Variants in NAA11 observed in about 807,000 individuals in gnomAD.
NAA11 encodes N-alpha-acetyltransferase 11, NatA catalytic subunit.
Under a neutral mutation model 16.1 loss-of-function variants are expected in NAA11, and 15 were observed. The observed-to-expected ratio is 0.93, with a 90% CI of 0.62 to 1.44. The LOEUF (loss-of-function observed/expected upper bound fraction) is 1.44, where lower values mean the gene tolerates loss of function less well. NAA11 is among the 40% of genes most tolerant of loss of function. The pLI is 0.00. For synonymous variants in NAA11, 122 were observed against 112.4 expected, an observed-to-expected ratio of 1.09 and a Z score of -0.54; for missense variants, 298 against 291.3, an observed-to-expected ratio of 1.02 and a Z score of -0.17.
At chr4:79,186,913 A>T in the NAA11 span, among the ~76,000 whole-genome samples, 1 of 152,212 alleles carries the variant, frequency 6.6e-6, no homozygotes. Flanking sequence ...AGGTTTATAT[A>T]CTTGAGTAAC....
At chr4:79,204,926 TATACACAC>T in the NAA11 span, among the ~76,000 whole-genome samples, 2 of 39,580 alleles carry the variant, frequency 5.1e-5, no homozygotes, top group South Asian at 2.0e-3. Flanking sequence ...CCATGGTGTG[TATACACAC>T]ACACACACAC....
At chr4:79,303,074 T>C (rs865854518) in intron 1 of NAA11, among the ~76,000 whole-genome samples, 3 of 72,284 alleles carry the variant, frequency 4.2e-5, no homozygotes, top group African/African-American at 7.4e-5. Context: ...TCTTGAGGCC[T>C]TTTATATATA....
chr4:79,308,333 C>A (rs1723653234), intron 1 of NAA11: 1 of 152,154 alleles, frequency 6.6e-6, no homozygotes, highest in Non-Finnish European at 1.5e-5. Flanking sequence ...GAGGAAAAGA[C>A]AGAATCAGAT....
At chr4:79,302,580 T>C (rs576039490) in intron 1 of NAA11, among the ~76,000 whole-genome samples, 1 of 152,264 alleles carries the variant, frequency 6.6e-6, no homozygotes, top group East Asian at 1.9e-4. Flanking sequence ...ATATAATGTA[T>C]ATATCTTTAT....
chr4:79,162,282 G>T, the NAA11 span, among the ~76,000 whole-genome samples: 1 of 152,140 alleles, frequency 6.6e-6, no homozygotes, highest in African/African-American at 2.4e-5. Context: ...TTCTGCCTAA[G>T]TGAAGAAAGC....
At chr4:79,207,283 T>C in the NAA11 span, among the ~76,000 whole-genome samples, 1 of 150,808 alleles carries the variant, frequency 6.6e-6, no homozygotes, top group Admixed American at 6.7e-5. Flanking sequence ...CATTGTTTTT[T>C]AATCCATTCC....
intron 2 of NAA11, among the ~76,000 whole-genome samples, chr4:79,243,336 T>C (rs569285309): frequency 6.6e-5 from 10 of 152,346 alleles, no homozygotes; most frequent in African/African-American, 1.9e-4. Flanking sequence ...TCCTCAATTA[T>C]CTTGAAAAGA....
At chr4:79,314,774 GA>G (rs1433692166), downstream of NAA11, among the ~76,000 whole-genome samples, 1 of 151,226 alleles carries the variant, frequency 6.6e-6, no homozygotes, top group Non-Finnish European at 1.5e-5. Flanking sequence ...GTGAGAATTA[GA>G]AGTGAAACTT....
the NAA11 span, among the ~76,000 whole-genome samples, chr4:79,176,239 T>C: frequency 6.6e-6 from 1 of 152,218 alleles, no homozygotes; most frequent in East Asian, 1.9e-4. Flanking sequence ...GATATGCAGA[T>C]AATATCTAAA....
chr4:79,280,327 A>C (rs1405521540), intron 2 of NAA11, among the ~76,000 whole-genome samples: 1 of 152,054 alleles, frequency 6.6e-6, no homozygotes, highest in African/African-American at 2.4e-5. Context: ...CCCGTAACTA[A>C]AGAGTGGGCA....
chr4:79,288,010 C>T (rs1218851970), intron 2 of NAA11, among the ~76,000 whole-genome samples: 1 of 152,120 alleles, frequency 6.6e-6, no homozygotes, highest in African/African-American at 2.4e-5. Flanking sequence ...AATCTCACAT[C>T]TGTTATTTTA....
At chr4:79,298,986 T>C (rs1723308630) in intron 1 of NAA11, 1 of 152,272 alleles carries the variant, frequency 6.6e-6, no homozygotes, top group Non-Finnish European at 1.5e-5. Context: ...GCCTTTGTCT[T>C]TTTCTACTTG....
chr4:79,204,505 GCCTC>G, the NAA11 span, among the ~76,000 whole-genome samples: 1,872 of 148,494 alleles, frequency 0.013, 42 homozygotes, highest in African/African-American at 0.044. Context: ...CTTTTTTCCT[GCCTC>G]CCTCCCTCCC....
chr4:79,177,842 T>C, the NAA11 span, among the ~76,000 whole-genome samples: 2 of 152,110 alleles, frequency 1.3e-5, no homozygotes, highest in East Asian at 1.9e-4. Context: ...ATTTGTCTTA[T>C]TATGCATGAG....
intron 2 of NAA11, among the ~76,000 whole-genome samples, chr4:79,259,317 G>T (rs999166569): frequency 2.0e-5 from 3 of 152,140 alleles, no homozygotes; most frequent in Non-Finnish European, 4.4e-5. Flanking sequence ...CAAGCTTCTG[G>T]GCGTCACCAC....
intron 2 of NAA11, among the ~76,000 whole-genome samples, chr4:79,271,992 A>ATG (rs1354898281): frequency 1.3e-5 from 2 of 151,850 alleles, no homozygotes; most frequent in Admixed American, 1.3e-4. Context: ...ATATATATAT[A>ATG]TATGTATACA....
At chr4:79,183,199 T>C in the NAA11 span, among the ~76,000 whole-genome samples, 1 of 152,114 alleles carries the variant, frequency 6.6e-6, no homozygotes, top group East Asian at 1.9e-4. Context: ...GGGAGGTTAC[T>C]AGGATGAATA....
downstream of NAA11, among the ~76,000 whole-genome samples, chr4:79,223,398 A>G (rs972946640): frequency 6.7e-6 from 1 of 150,012 alleles, no homozygotes; most frequent in East Asian, 2.0e-4. Context: ...CACAAGAACA[A>G]AAAACCAAAC....
chr4:79,321,431 T>A (rs1724086128), intron 1 of NAA11, among the ~76,000 whole-genome samples: 1 of 152,226 alleles, frequency 6.6e-6, no homozygotes, highest in Admixed American at 6.5e-5. Flanking sequence ...TTTTCTCTCA[T>A]CTGCTAGTTG....
Sources: allele counts gnomAD v4.1 joint callset (sites outside exome capture counted in the v4.1 genomes callset), GRCh38; gene constraint gnomAD v4.1.1; transcripts MANE v1.5; gene names NCBI Gene and HGNC (gene_info 2026-07-23, HGNC 2026-07-21).